SCN7A: variants seen among roughly 807,000 people sequenced by gnomAD.
The protein encoded by SCN7A is sodium voltage-gated channel alpha subunit 7.
A neutral mutation model predicts 155.2 loss-of-function variants in SCN7A; 138 were observed. The ratio of observed to expected loss-of-function variants is 0.89; its 90% CI spans 0.77 to 1.02. SCN7A has a LOEUF of 1.02. Among genes scored for constraint, SCN7A ranks in the 50% least tolerant of loss-of-function variants. SCN7A has a pLI of 0.00. For synonymous variants in SCN7A, 693 were observed against 649.0 expected (o/e 1.07, Z -1.03); for missense variants, 2,058 against 1,986.6 (o/e 1.04, Z -0.68).
chr2:166,409,817 A>G lies in SCN7A; in HGVS notation c.3830T>C (p.Leu1277Pro), dbSNP rs1359491605. ...CCAGTAGAGAGCAATGGACATTTGT[A>G]GACTCTGAACATCAGTGTCTATCAT... ...AMMIDTDVQS[L>P]QMSIALYWIN... Residue 1277 changes from leucine to proline, a missense_variant, in exon 25 of 26, where the codon CTA (leucine) becomes CCA (proline). By Grantham distance (98) the Leu-to-Pro change is moderately conservative. Coordinates refer to ENST00000643258, the MANE Select transcript of SCN7A (RefSeq NM_002976.4). The G allele has an allele frequency of 2.5e-6, 4 of 1,573,394 alleles. No homozygotes were observed. The highest frequency in any genetic ancestry group is 1.7e-4 in the Middle Eastern group (1 of 5,990).
chr2:166,417,427 A>C (rs1184856018), intron 20 of SCN7A, among the ~76,000 whole-genome samples: 1 of 152,034 alleles, frequency 6.6e-6, no homozygotes, highest in East Asian at 1.9e-4. Flanking sequence ...GAGCAGAGAT[A>C]CTGCCACTGA....
At chr2:166,487,534 C>T (rs1013840517) in intron 1 of SCN7A, among the ~76,000 whole-genome samples, 3 of 152,180 alleles carry the variant, frequency 2.0e-5, no homozygotes, top group African/African-American at 7.2e-5. Flanking sequence ...AGGCCAGTCA[C>T]AGCCTCTTCA....
intron 3 of SCN7A, 29 bp downstream of exon 3, chr2:166,477,434 T>C (rs1702822103): frequency 7.9e-7 from 1 of 1,264,098 alleles, no homozygotes; most frequent in South Asian, 1.6e-5. Context: ...AATAAAAATG[T>C]CATCAAAATA....
intron 23 of SCN7A, among the ~76,000 whole-genome samples, chr2:166,411,422 A>G (rs1481610694): frequency 1.3e-5 from 2 of 151,832 alleles, no homozygotes; most frequent in Admixed American, 6.6e-5. Flanking sequence ...ATTATAATTA[A>G]TAATAACCCC....
At chr2:166,437,556 A>G (rs921070213) in intron 15 of SCN7A, among the ~76,000 whole-genome samples, 3 of 152,152 alleles carry the variant, frequency 2.0e-5, no homozygotes, top group Non-Finnish European at 4.4e-5. Flanking sequence ...TCCAGACCCC[A>G]TAATGGTAGA....
intron 7 of SCN7A, among the ~76,000 whole-genome samples, chr2:166,467,375 T>C (rs927140292): frequency 6.6e-6 from 1 of 151,734 alleles, no homozygotes; most frequent in African/African-American, 2.4e-5. Flanking sequence ...TTAGTATATC[T>C]TTATACTGAA....
chr2:166,426,142 G>C (rs1254771964), intron 18 of SCN7A, among the ~76,000 whole-genome samples: 1 of 152,066 alleles, frequency 6.6e-6, no homozygotes, highest in East Asian at 1.9e-4. Context: ...GGATTTGAAA[G>C]CAAAATTTCA....
In SCN7A at chr2:166,403,735, G is replaced by A. The variant is rs2105350098; in HGVS notation, c.*1845C>T. ...CTTTTCAAACTAAAATCAGTTTGTT[G>A]TCTTTACGCAATTTACAGAAGCAAG... On this transcript the variant is annotated 3_prime_UTR_variant, in exon 26 of 26. Coordinates refer to ENST00000643258, the MANE Select transcript of SCN7A (RefSeq NM_002976.4). 1 of 152,094 alleles carries A rather than the reference G, an allele frequency of 6.6e-6. No individual in the cohort carries two copies. Among genetic ancestry groups the A allele is most frequent in the Non-Finnish European group, 1.5e-5 (1 of 67,934 alleles). The allele number at this position is 152,094 out of a possible 1,614,324, so 9.4% of individuals were successfully genotyped here.
Position 166,405,339 on chromosome 2 carries a change from T to C in SCN7A, c.*241A>G. Reference sequence around the variant, plus strand: ...ATAAGCCATGTAGAGAAAACAAATATGAGATTGTCAAATGGCCACTTTAAC... The same window carrying C: ...ATAAGCCATGTAGAGAAAACAAATACGAGATTGTCAAATGGCCACTTTAAC... On this transcript the variant is annotated 3_prime_UTR_variant, in exon 26 of 26. Transcript: ENST00000643258. 1 of 436,556 alleles carries C rather than the reference T, an allele frequency of 2.3e-6. No individual in the cohort carries two copies. Among genetic ancestry groups the C allele is most frequent in the African/African-American group, 2.1e-5 (1 of 48,674 alleles). The allele number at this position is 436,556 out of a possible 1,614,324, so 27.0% of individuals were successfully genotyped here.
At chr2:166,486,595 T>G (rs1278896039) in intron 2 of SCN7A, among the ~76,000 whole-genome samples, 1 of 152,062 alleles carries the variant, frequency 6.6e-6, no homozygotes. Flanking sequence ...ATATCAGAAA[T>G]CTCCTGGGGC....
At position 166,431,434 on chromosome 2, in the gene SCN7A, A is replaced by G. The variant is rs373806546; in HGVS notation, c.2592+884T>C. Among the ~76,000 whole-genome samples the G allele has an allele frequency of 1.6e-4, 25 of 152,180 alleles. No individual in the cohort carries two copies. In the East Asian group the frequency reaches 4.6e-3, roughly 28 times the overall value. On this transcript the variant is annotated intron_variant, in intron 16 of 25. Coordinates refer to ENST00000643258, the MANE Select transcript of SCN7A (RefSeq NM_002976.4). ...GAGGTCTGGGAGACAAGATGGTGCC[A>G]CAGATGATGGGGACCTGTAAAGACA...
At chr2:166,417,926 AC>A (rs1701414539) in intron 20 of SCN7A, among the ~76,000 whole-genome samples, 2 of 151,694 alleles carry the variant, frequency 1.3e-5, no homozygotes, top group Non-Finnish European at 2.9e-5. Flanking sequence ...AAACTTGAAT[AC>A]CAGCAATAAT....
intron 10 of SCN7A, among the ~76,000 whole-genome samples, chr2:166,459,624 G>A (rs1344781377): frequency 6.6e-6 from 1 of 152,154 alleles, no homozygotes; most frequent in Non-Finnish European, 1.5e-5. Flanking sequence ...TTAAGGCAAT[G>A]TTCAGGATAC....
Position 166,405,520 on chromosome 2 carries a change from C to A in SCN7A, c.*60G>T. ...ATCTCTACTTTTCTTTTATTCCTGGCTTAGGCTTTCAACATTTTTCAGATA... is the reference window on the plus strand; with the variant it reads ...ATCTCTACTTTTCTTTTATTCCTGGATTAGGCTTTCAACATTTTTCAGATA... On this transcript the variant is annotated 3_prime_UTR_variant, in exon 26 of 26. Coordinates refer to ENST00000643258, the MANE Select transcript of SCN7A (RefSeq NM_002976.4). 1 of 1,249,782 alleles carries A rather than the reference C, an allele frequency of 8.0e-7. No individual in the cohort carries two copies. The highest frequency in any genetic ancestry group is 1.5e-5 in the South Asian group (1 of 67,026). 77.4% of individuals were successfully genotyped at this position (1,249,782 alleles called of 1,614,324 possible). A position where few individuals can be genotyped will look rare whatever the true frequency, so the allele number is the denominator to read the frequency against.
At chr2:166,462,629 T>A in intron 9 of SCN7A, 99 bp from the exon 10 acceptor site, 1 of 1,092,568 alleles carries the variant, frequency 9.2e-7, no homozygotes, top group South Asian at 1.8e-5. Context: ...AATAGAGAAC[T>A]CACGCTTCCA....
chr2:166,462,430 G>A lies in SCN7A; in HGVS notation c.1042C>T (p.Arg348Trp), dbSNP rs867820941. ...TCAGGGTAATCCTGAGCCATTAACC[G>A]AAATAGGGCAAATAAGGCCCAGCCA... The part of the protein sequence containing the change: ...SFGWALFALF[R>W]LMAQDYPEVL... The change falls in exon 10 of 26, where the codon CGG becomes TGG. Residue 348 changes from arginine to tryptophan, a missense_variant. Transcript: ENST00000643258. 9.3e-6 allele frequency: 15 copies of A among 1,607,554 alleles called. No individual in the cohort carries two copies. Among genetic ancestry groups the A allele is most frequent in the East Asian group, 4.5e-5 (2 of 44,748 alleles).
At chr2:166,408,759 A>G (rs1485325377) in intron 25 of SCN7A, among the ~76,000 whole-genome samples, 1 of 151,958 alleles carries the variant, frequency 6.6e-6, no homozygotes, top group African/African-American at 2.4e-5. Flanking sequence ...CTACTACTCA[A>G]TGCATAGAAT....
chr2:166,478,214 C>T (rs1702843682), intron 2 of SCN7A, among the ~76,000 whole-genome samples: 1 of 151,508 alleles, frequency 6.6e-6, no homozygotes, highest in East Asian at 1.9e-4. Flanking sequence ...AGGTATATCT[C>T]ACACCAACAT....
intron 19 of SCN7A, among the ~76,000 whole-genome samples, chr2:166,422,273 A>C (rs1017774402): frequency 2.0e-5 from 3 of 152,172 alleles, no homozygotes; most frequent in African/African-American, 7.2e-5. Flanking sequence ...TTCTAGGCAC[A>C]TGACTTAAAG....
Sources: allele counts gnomAD v4.1 joint callset (sites outside exome capture counted in the v4.1 genomes callset), GRCh38; gene constraint gnomAD v4.1.1; transcripts MANE v1.5; gene names NCBI Gene and HGNC (gene_info 2026-07-23, HGNC 2026-07-21).